PDPR: variants seen among roughly 807,000 people sequenced by gnomAD.
PDPR encodes the protein pyruvate dehydrogenase phosphatase regulatory subunit, mitochondrial.
A neutral mutation model predicts 102.2 loss-of-function variants in PDPR; 50 were observed. The ratio of observed to expected loss-of-function variants is 0.49; its 90% CI spans 0.39 to 0.62. The LOEUF is 0.62. Ranked by LOEUF, PDPR falls within the 20% of genes least tolerant of loss-of-function variation. The probability of loss-of-function intolerance (pLI) is 0.00; values close to 1 mark genes in which losing one functional copy is unlikely to be tolerated. For synonymous variants in PDPR, 259 were observed against 406.0 expected (o/e 0.64, Z 4.35); for missense variants, 625 against 1,098.2 (o/e 0.57, Z 6.09).
At chr16:70,134,955 G>A (rs1964961341) in intron 9 of PDPR, among the ~76,000 whole-genome samples, 1 of 152,168 alleles carries the variant, frequency 6.6e-6, no homozygotes, top group Non-Finnish European at 1.5e-5. Flanking sequence ...TGGGCACAGT[G>A]GCTTACACCT....
At chr16:70,125,398 A>AAAAAAC (rs56891998) in intron 3 of PDPR, among the ~76,000 whole-genome samples, 2 of 147,068 alleles carry the variant, frequency 1.4e-5, no homozygotes, top group Non-Finnish European at 1.5e-5. Context: ...AAACAAAAAA[A>AAAAAAC]CAAAAATTAG....
intron 17 of PDPR, 85 bp from the exon 18 acceptor site, chr16:70,153,306 A>G: frequency 7.3e-7 from 1 of 1,362,412 alleles, no homozygotes; most frequent in South Asian, 1.4e-5. Flanking sequence ...CCATGTTAAT[A>G]GTGTGAGCCA....
At chr16:70,148,603 T>G in intron 17 of PDPR, 50 bp downstream of exon 17, 2 of 1,475,754 alleles carry the variant, frequency 1.4e-6, no homozygotes, top group Non-Finnish European at 1.9e-6. Flanking sequence ...TTCCCTTCCC[T>G]TCCCTTCCCT....
chr16:70,120,772 A>G (rs1311811530), intron 3 of PDPR, 53 bp downstream of exon 3: 3 of 1,172,970 alleles, frequency 2.6e-6, no homozygotes, highest in Non-Finnish European at 3.8e-6. Context: ...ATCGTATAAG[A>G]TTCCCTCTCC....
intron 9 of PDPR, among the ~76,000 whole-genome samples, chr16:70,132,818 T>G (rs2152083758): frequency 6.6e-6 from 1 of 152,252 alleles, no homozygotes; most frequent in East Asian, 1.9e-4. Context: ...TCTCTATCAT[T>G]TTGTGTGTGT....
At chr16:70,151,930 T>C (rs1201780903) in intron 17 of PDPR, among the ~76,000 whole-genome samples, 1 of 152,286 alleles carries the variant, frequency 6.6e-6, no homozygotes, top group Non-Finnish European at 1.5e-5. Flanking sequence ...GAGTAAATGG[T>C]GGGGACCCAC....
At position 70,156,859 on chromosome 16, in the gene PDPR, A is replaced by T; in HGVS notation, c.2620A>T (p.Ser874Cys). The T allele has an allele frequency of 6.2e-7, 1 of 1,613,806 alleles. No homozygotes were observed. Among genetic ancestry groups the T allele is most frequent in the Non-Finnish European group, 8.5e-7 (1 of 1,179,794 alleles). Residue 874 changes from serine to cysteine, a missense_variant, in exon 19 of 19, where the codon AGT (serine) becomes TGT (cysteine). Coordinates refer to ENST00000288050, the MANE Select transcript of PDPR (RefSeq NM_017990.5). ...QKRRKDDMELSDLHGK is the reference protein window; with the variant it reads ...QKRRKDDMELCDLHGK ...GCGCCGAAAGGATGACATGGAGCTG[A>T]GTGACTTACATGGGAAGTGATGCCA...
In PDPR at chr16:70,159,650, T is replaced by G. The variant is rs1967594220; in HGVS notation, c.*2771T>G. ...GCTTCTGGCATAACTGCTTTGCCTC[T>G]GTCTAGTGTCCAAGCATCTTAGCTG... is the stretch of plus-strand genomic sequence containing the variant. On this transcript the variant is annotated 3_prime_UTR_variant, in exon 19 of 19. Coordinates refer to ENST00000288050, the MANE Select transcript of PDPR (RefSeq NM_017990.5). 6.5e-6 allele frequency: 1 copy of G among 152,896 alleles called. No individual in the cohort carries two copies. The highest frequency in any genetic ancestry group is 6.5e-5 in the Admixed American group (1 of 15,288). 9.5% of individuals were successfully genotyped at this position (152,896 alleles called of 1,614,324 possible). A position where few individuals can be genotyped will look rare whatever the true frequency, so the allele number is the denominator to read the frequency against.
At chr16:70,129,853 C>T (rs1401821397) in intron 6 of PDPR, among the ~76,000 whole-genome samples, 1 of 152,288 alleles carries the variant, frequency 6.6e-6, no homozygotes, top group Non-Finnish European at 1.5e-5. Context: ...TACATCCTCT[C>T]CTCTCTGCTC....
chr16:70,158,221 A>G lies in PDPR; in HGVS notation c.*1342A>G, dbSNP rs1327426307. 2.0e-5 allele frequency: 3 copies of G among 152,520 alleles called. No individual in the cohort carries two copies. Among genetic ancestry groups the G allele is most frequent in the Non-Finnish European group, 4.4e-5 (3 of 68,204 alleles). The allele number at this position is 152,520 out of a possible 1,614,324, so 9.4% of individuals were successfully genotyped here. A position where few individuals can be genotyped will look rare whatever the true frequency, so the allele number is the denominator to read the frequency against. On this transcript the variant is annotated 3_prime_UTR_variant, in exon 19 of 19. Transcript: ENST00000288050. ...TTTCCCAAGGTGAAACTTAGATATC[A>G]TGGACTGTTGTCCAGCCTCAATGCT...
chr16:70,132,555 T>A (rs1272240256), intron 9 of PDPR, among the ~76,000 whole-genome samples: 7 of 152,244 alleles, frequency 4.6e-5, no homozygotes, highest in African/African-American at 9.6e-5. Context: ...TTTTTTTTTT[T>A]ATTTCTTGAG....
At chr16:70,130,825 A>G (rs1363063553) in intron 7 of PDPR, among the ~76,000 whole-genome samples, 3 of 152,288 alleles carry the variant, frequency 2.0e-5, no homozygotes, top group Non-Finnish European at 2.9e-5. Context: ...TCTTGATGTT[A>G]CATTTCATTC....
intron 18 of PDPR, among the ~76,000 whole-genome samples, chr16:70,155,025 C>G (rs1254134087): frequency 1.3e-5 from 2 of 152,162 alleles, no homozygotes; most frequent in Non-Finnish European, 2.9e-5. Context: ...AACCCCGTAT[C>G]TGCTAAAAAT....
At chr16:70,153,612 C>T (rs1966855540) in intron 18 of PDPR, 39 bp downstream of exon 18, 2 of 1,542,078 alleles carry the variant, frequency 1.3e-6, no homozygotes, top group Non-Finnish European at 8.8e-7. Context: ...ACTCAGCATC[C>T]CGAGTAGTGA....
chr16:70,130,062 G>A (rs1190686137), intron 6 of PDPR, among the ~76,000 whole-genome samples: 7 of 152,252 alleles, frequency 4.6e-5, no homozygotes, highest in Non-Finnish European at 8.8e-5. Flanking sequence ...GGAGGCCAAG[G>A]CAGGCGGATC....
At chr16:70,150,719 C>G (rs1322557308) in intron 17 of PDPR, among the ~76,000 whole-genome samples, 1 of 152,188 alleles carries the variant, frequency 6.6e-6, no homozygotes, top group Non-Finnish European at 1.5e-5. Context: ...GCTATGTTGC[C>G]TAGGCTGGTC....
chr16:70,146,214 A>G lies in PDPR; in HGVS notation c.1948A>G (p.Ser650Gly). 1 of 1,613,822 alleles carries G rather than the reference A, an allele frequency of 6.2e-7. No individual in the cohort carries two copies. Among genetic ancestry groups the G allele is most frequent in the Non-Finnish European group, 8.5e-7 (1 of 1,179,840 alleles). ...YAPMTPDHFPSLFCKEMSVGY... is the reference protein window; with the variant it reads ...YAPMTPDHFPGLFCKEMSVGY... ...CCCTATGACTCCAGACCACTTCCCA[A>G]GCCTCTTTTGCAAGGTAAGTGCTGA... Residue 650 changes from serine (S) to glycine (G), a missense_variant, in exon 16 of 19, where the codon AGC (serine) becomes GGC (glycine). Physicochemically the swap from Ser to Gly is moderately conservative, Grantham distance 56. This residue lies in a region of PDPR where 36 missense variants were observed against 62.8 expected (regional missense o/e 0.57). Coordinates refer to ENST00000288050, the MANE Select transcript of PDPR (RefSeq NM_017990.5).
intron 9 of PDPR, among the ~76,000 whole-genome samples, chr16:70,135,875 G>A (rs1965078921): frequency 6.6e-6 from 1 of 152,200 alleles, no homozygotes; most frequent in African/African-American, 2.4e-5. Context: ...CGAAACTAGT[G>A]TGGCCATCAT....
chr16:70,131,841 C>CT (rs1227228616), intron 8 of PDPR: 9 of 1,411,016 alleles, frequency 6.4e-6, no homozygotes, highest in Non-Finnish European at 8.4e-6. Context: ...TGCAACCCCC[C>CT]TCTCTGTTAA....
Sources: allele counts gnomAD v4.1 joint callset (sites outside exome capture counted in the v4.1 genomes callset), GRCh38; gene constraint gnomAD v4.1.1; regional missense constraint gnomAD v4.1.1; transcripts MANE v1.5; gene names NCBI Gene and HGNC (gene_info 2026-07-23, HGNC 2026-07-21).